RAB11FIP5: variants seen among roughly 807,000 people sequenced by gnomAD.
RAB11FIP5 encodes the protein rab11 family-interacting protein 5.
In RAB11FIP5, 48 loss-of-function variants were observed where a neutral mutation model predicts 85.1. That is an observed-to-expected ratio of 0.56 (90% CI 0.45 to 0.72). RAB11FIP5 has a LOEUF of 0.72. Ranked by LOEUF, RAB11FIP5 falls within the 30% of genes least tolerant of loss-of-function variation. The pLI is 0.00. For synonymous variants in RAB11FIP5, 729 were observed against 727.3 expected (o/e 1.00, Z -0.04); for missense variants, 1,491 against 1,687.0 (o/e 0.88, Z 2.04).
rs1683986181 is a variant in RAB11FIP5 at position 73,081,593 on chromosome 2, C to CAGGGGA, written c.1638_1639insTCCCCT (p.Trp546_Ala547insSerPro). The CAGGGGA allele has an allele frequency of 8.2e-7, 1 of 1,213,074 alleles. No homozygotes were observed. Among genetic ancestry groups the CAGGGGA allele is most frequent in the Non-Finnish European group, 1.0e-6 (1 of 970,808 alleles). 75.1% of individuals were successfully genotyped at this position (1,213,074 alleles called of 1,614,324 possible). On this transcript the variant is annotated inframe_insertion, in exon 4 of 6. Transcript: ENST00000486777. This position sits in a 1 kb window ranked among gnomAD's most constrained non-coding sequence, Gnocchi z 4.2. The stretch of plus-strand genomic sequence containing the variant: ...GGAGCAGGAGTGGGAGGGGCCGGAG[C>CAGGGGA]CCAGGGGGAGCAGGGGAGGTGGTGA...
intron 4 of RAB11FIP5, among the ~76,000 whole-genome samples, chr2:73,079,091 T>C (rs1286583044): frequency 6.6e-6 from 1 of 152,192 alleles, no homozygotes. Flanking sequence ...GTTTTCCTTT[T>C]TCTTCTGAAG....
intron 1 of RAB11FIP5, among the ~76,000 whole-genome samples, chr2:73,091,882 G>A (rs1005096664): frequency 4.6e-5 from 7 of 152,158 alleles, no homozygotes; most frequent in African/African-American, 1.7e-4. Context: ...TGAGAAGGCC[G>A]GGTAGGAACA....
At chr2:73,104,332 C>T (rs1684484241) in intron 1 of RAB11FIP5, among the ~76,000 whole-genome samples, 2 of 152,216 alleles carry the variant, frequency 1.3e-5, no homozygotes, top group South Asian at 4.2e-4. Flanking sequence ...AATCCCAGCA[C>T]TTTGGGAGGC....
chr2:73,080,463 C>T lies in RAB11FIP5; in HGVS notation c.2769G>A (p.Val923=). The T allele has an allele frequency of 8.1e-7, 1 of 1,233,784 alleles. No individual in the cohort carries two copies. Among genetic ancestry groups the T allele is most frequent in the Non-Finnish European group, 1.0e-6 (1 of 988,872 alleles). The allele number at this position is 1,233,784 out of a possible 1,614,324, so 76.4% of individuals were successfully genotyped here. ...SQEEEEEKAA[V]GLSNRGPETE... ...TCTCCGGCCCCCTGTTACTCAGCCC[C>T]ACTGCGGCCTTCTCCTCCTCCTCCT... is the stretch of plus-strand genomic sequence containing the variant. The change falls in exon 4 of 6, where the codon GTG becomes GTA. Residue 923 remains valine, a synonymous_variant. Transcript: ENST00000486777.
At chr2:73,106,907 C>T (rs890504101) in intron 1 of RAB11FIP5, among the ~76,000 whole-genome samples, 1 of 152,158 alleles carries the variant, frequency 6.6e-6, no homozygotes, top group Admixed American at 6.5e-5. Flanking sequence ...ACCCCCTCCC[C>T]ACCCTGCAGC....
In RAB11FIP5 at chr2:73,076,175, G is replaced by C; in HGVS notation, c.3589C>G (p.Pro1197Ala). Residue 1197 changes from proline to alanine, a missense_variant, in exon 5 of 6, where the codon CCC becomes GCC. Physicochemically the swap from Pro to Ala is conservative, Grantham distance 27 (BLOSUM62 -1). Around this residue, in one of 3 missense-constraint regions of RAB11FIP5, gnomAD observed 232 missense variants for 259.1 expected, o/e 0.90. Coordinates refer to ENST00000486777, the MANE Select transcript of RAB11FIP5 (RefSeq NM_001371272.1). Reference protein sequence around the residue: ...EEPQPSASPHPVKPLSAAPVE... With the variant: ...EEPQPSASPHAVKPLSAAPVE... The stretch of plus-strand genomic sequence containing the variant: ...GGGGCGGCACTGAGGGGCTTCACGG[G>C]GTGGGGACTGCAAAGACATACAAGA... The C allele has an allele frequency of 6.2e-7, 1 of 1,606,928 alleles. No homozygotes were observed. The highest frequency in any genetic ancestry group is 8.5e-7 in the Non-Finnish European group (1 of 1,174,590).
chr2:73,073,471 G>T lies in RAB11FIP5; in HGVS notation c.*2050C>A, dbSNP rs1169207831. 1 of 152,680 alleles carries T rather than the reference G, an allele frequency of 6.5e-6. No homozygotes were observed. The allele number at this position is 152,680 out of a possible 1,614,324, so 9.5% of individuals were successfully genotyped here. On this transcript the variant is annotated 3_prime_UTR_variant, in exon 6 of 6. Transcript: ENST00000486777. ...AGAGCCTTAACTAGGAAGACAAACA[G>T]CAAAGCAGAACCATGCCTGCTCCCT... is the stretch of plus-strand genomic sequence containing the variant.
intron 1 of RAB11FIP5, among the ~76,000 whole-genome samples, chr2:73,095,508 G>A (rs977254224): frequency 1.3e-5 from 2 of 152,252 alleles, no homozygotes; most frequent in Non-Finnish European, 1.5e-5. Flanking sequence ...CTGCACATGA[G>A]GGGGCTAGAG....
chr2:73,112,905 G>T lies in RAB11FIP5; in HGVS notation c.-128C>A, dbSNP rs1684699955. 2 of 900,650 alleles carry T rather than the reference G, an allele frequency of 2.2e-6. No individual in the cohort carries two copies. Among genetic ancestry groups the T allele is most frequent in the South Asian group, 5.7e-5 (1 of 17,682 alleles). The allele number at this position is 900,650 out of a possible 1,614,324, so 55.8% of individuals were successfully genotyped here. On this transcript the variant is annotated 5_prime_UTR_variant, in exon 1 of 6. Transcript: ENST00000486777. ...GCCGCCGCAGCTGCGGGCTGGGCTGGGCCGGGCCGACCGGCCGCCGCCTCC... is the reference window on the plus strand; with the variant it reads ...GCCGCCGCAGCTGCGGGCTGGGCTGTGCCGGGCCGACCGGCCGCCGCCTCC...
In RAB11FIP5 at chr2:73,081,533, C is replaced by T. The variant is rs969721970; in HGVS notation, c.1699G>A (p.Ala567Thr). Reference protein sequence around the residue: ...AAPMLSTNLFAAASPAAATAA... With the variant: ...AAPMLSTNLFTAASPAAATAA... ...GTGGCAGCAGCGGGGGAGGCGGCTGCAAAAAGGTTAGTGCTTAGCATGGGA... is the reference window on the plus strand; with the variant it reads ...GTGGCAGCAGCGGGGGAGGCGGCTGTAAAAAGGTTAGTGCTTAGCATGGGA... Residue 567 changes from alanine (A) to threonine (T), a missense_variant, in exon 4 of 6, where the codon GCA becomes ACA. By Grantham distance (58) the Ala-to-Thr change is moderately conservative. Around this residue, in one of 3 missense-constraint regions of RAB11FIP5, gnomAD observed 1,211 missense variants for 1,338.0 expected, o/e 0.91. Coordinates refer to ENST00000486777, the MANE Select transcript of RAB11FIP5 (RefSeq NM_001371272.1). The surrounding 1 kb of genome is among the most constrained non-coding windows in gnomAD (Gnocchi z 4.2). The T allele has an allele frequency of 4.1e-6, 5 of 1,223,588 alleles. No individual in the cohort carries two copies. In the African/African-American group the frequency reaches 6.2e-5, roughly 15 times the overall value. The allele number at this position is 1,223,588 out of a possible 1,614,324, so 75.8% of individuals were successfully genotyped here.
At position 73,075,960 on chromosome 2, in the gene RAB11FIP5, G is replaced by C; in HGVS notation, c.3771+33C>G. 1.3e-6 allele frequency: 2 copies of C among 1,590,864 alleles called. No individual in the cohort carries two copies. Among genetic ancestry groups the C allele is most frequent in the Non-Finnish European group, 1.7e-6 (2 of 1,164,794 alleles). On this transcript the variant is annotated intron_variant, in intron 5 of 5. Transcript: ENST00000486777. This position sits in a 1 kb window ranked among gnomAD's most constrained non-coding sequence, Gnocchi z 4.6. ...GCCCTGAGACTCCACCACACATTCT[G>C]TCAGATGGCCCCCACACCCTGCTGG... is the stretch of plus-strand genomic sequence containing the variant.
chr2:73,093,136 C>T (rs56108076), intron 1 of RAB11FIP5, among the ~76,000 whole-genome samples: 48,142 of 152,066 alleles, frequency 0.32, 9,062 homozygotes, highest in East Asian at 0.54. Context: ...CAAATGGAGG[C>T]TTTCTTTTCA....
Position 73,112,794 on chromosome 2 carries a change from G to C in RAB11FIP5, c.-17C>G. Reference sequence around the variant, plus strand: ...CAGGGCCATGGCGGAGAAGCGGGGGGCGAGGTCTGGCCGAGCCGGTGCAGA... The same window carrying C: ...CAGGGCCATGGCGGAGAAGCGGGGGCCGAGGTCTGGCCGAGCCGGTGCAGA... On this transcript the variant is annotated 5_prime_UTR_variant, in exon 1 of 6. Coordinates refer to ENST00000486777, the MANE Select transcript of RAB11FIP5 (RefSeq NM_001371272.1). 8 of 1,415,402 alleles carry C rather than the reference G, an allele frequency of 5.7e-6. No individual in the cohort carries two copies. Among genetic ancestry groups the C allele is most frequent in the Non-Finnish European group, 7.3e-6 (8 of 1,094,614 alleles). The allele number at this position is 1,415,402 out of a possible 1,614,324, so 87.7% of individuals were successfully genotyped here.
chr2:73,103,725 T>C (rs1356625301), intron 1 of RAB11FIP5, among the ~76,000 whole-genome samples: 6 of 152,220 alleles, frequency 3.9e-5, no homozygotes, highest in African/African-American at 1.4e-4. Context: ...TGTGGGTTTA[T>C]TGTCTATCAA....
In RAB11FIP5 at chr2:73,089,002, T is replaced by C. The variant is rs751147116; in HGVS notation, c.745A>G (p.Asn249Asp). 12 of 1,614,086 alleles carry C rather than the reference T, an allele frequency of 7.4e-6. No individual in the cohort carries two copies. Among genetic ancestry groups the C allele is most frequent in the African/African-American group, 2.7e-5 (2 of 74,946 alleles). Residue 249 changes from asparagine to aspartate, a missense_variant, in exon 2 of 6, where the codon AAC becomes GAC. Asn to Asp is a conservative substitution (Grantham distance 23, BLOSUM62 1). This residue lies in a region of RAB11FIP5 where 1,211 missense variants were observed against 1,338.0 expected (regional missense o/e 0.91). Transcript: ENST00000486777. This position sits in a 1 kb window ranked among gnomAD's most constrained non-coding sequence, Gnocchi z 4.6. The part of the protein sequence containing the change: ...KLRKSSLTQS[N>D]TSLGSDSTLS... ...GTGCTGTCCGAGCCCAGCGAGGTGT[T>C]GGACTGGGTCAGGGACGACTTGCGC...
chr2:73,087,449 C>T (rs1445988575), intron 3 of RAB11FIP5, among the ~76,000 whole-genome samples: 1 of 152,208 alleles, frequency 6.6e-6, no homozygotes, highest in Admixed American at 6.5e-5. Flanking sequence ...CTCCCAGGGT[C>T]TCCAAGGACA....
chr2:73,088,558 G>A lies in RAB11FIP5; in HGVS notation c.1060C>T (p.His354Tyr), dbSNP rs774877386. The change falls in exon 3 of 6, where the codon CAC (histidine) becomes TAC (tyrosine). Residue 354 changes from histidine (H) to tyrosine (Y), a missense_variant. This residue lies in a region of RAB11FIP5 where 1,211 missense variants were observed against 1,338.0 expected (regional missense o/e 0.91). Transcript: ENST00000486777. ...AGCGAGCCCGAGATGGAGCTGCGGT[G>A]CCGCACAGGGCCCTGGGGCTCCTCA... ...YNEEPQGPVR[H>Y]RSSISGSLPS... 5.6e-6 allele frequency: 9 copies of A among 1,613,786 alleles called. No individual in the cohort carries two copies. The African/African-American group carries it at 8.0e-5, about 14-fold the overall frequency.
intron 1 of RAB11FIP5, among the ~76,000 whole-genome samples, chr2:73,104,982 G>A (rs1418331202): frequency 2.6e-5 from 4 of 152,228 alleles, no homozygotes; most frequent in Non-Finnish European, 5.9e-5. Context: ...TGGTTACAAT[G>A]GTTGTCCAGT....
intron 1 of RAB11FIP5, among the ~76,000 whole-genome samples, chr2:73,106,093 C>T (rs1020214400): frequency 2.6e-5 from 4 of 152,166 alleles, no homozygotes; most frequent in Non-Finnish European, 4.4e-5. Context: ...AGTCACTTTA[C>T]CTCTCCGTGC....
Sources: allele counts gnomAD v4.1 joint callset (sites outside exome capture counted in the v4.1 genomes callset), GRCh38; gene constraint gnomAD v4.1.1; regional missense constraint gnomAD v4.1.1; non-coding constraint Gnocchi (gnomAD v3.1); transcripts MANE v1.5; gene names NCBI Gene and HGNC (gene_info 2026-07-23, HGNC 2026-07-21).